UPRT: variants seen among roughly 807,000 people sequenced by gnomAD.
UPRT encodes the protein RP11-311P8.3.
UPRT carries 5 observed loss-of-function variants against 22.6 expected under a neutral mutation model. The observed-to-expected ratio is 0.22, with a 90% confidence interval of 0.12 to 0.47. The LOEUF is 0.47. Ranked by LOEUF, UPRT falls within the 20% of genes least tolerant of loss-of-function variation. UPRT has a pLI of 0.99. For missense variants in UPRT, 181 were observed against 239.9 expected, an observed-to-expected ratio of 0.75 and a Z score of 1.62; for synonymous variants, 77 against 87.7, an observed-to-expected ratio of 0.88 and a Z score of 0.68.
At chrX:75,227,781 C>G (rs1374475357) in intron 4 of UPRT, among the ~76,000 whole-genome samples, 3 of 112,310 alleles carry the variant, frequency 2.7e-5, no homozygotes, top group Non-Finnish European at 5.6e-5. Context: ...CTTTTGCAAG[C>G]AGGTACATGT....
chrX:75,279,660 C>T (rs745877449), intron 1 of UPRT, among the ~76,000 whole-genome samples: 2 of 110,390 alleles, frequency 1.8e-5, no homozygotes, highest in Admixed American at 1.9e-4. Context: ...TTATTTTTTT[C>T]CATAAGTTAT....
chrX:75,293,433 G>A (rs765709682), intron 1 of UPRT, 39 bp from the exon 2 acceptor site: 2 of 1,175,772 alleles, frequency 1.7e-6, no homozygotes, highest in Non-Finnish European at 2.3e-6. Context: ...TTGCCTTAAA[G>A]CTCTAATTTA....
At position 75,195,400 on chromosome X, in the gene UPRT, G is replaced by T. The variant is rs901231970; in HGVS notation, c.-447+27521G>T. 6.2e-5 allele frequency among the ~76,000 whole-genome samples: 7 copies of T among 112,195 alleles called. No individual in the cohort carries two copies. In the Admixed American group the frequency reaches 6.6e-4, roughly 11 times the overall value. Reference sequence around the variant, plus strand: ...GGGCAAGACTGCCCTGCACTGTTCAGGTCCAACAGTTCCCATAGGGCTAAA... The same window carrying T: ...GGGCAAGACTGCCCTGCACTGTTCATGTCCAACAGTTCCCATAGGGCTAAA... On this transcript the variant is annotated intron_variant, in intron 4 of 13. Coordinates refer to the UPRT transcript ENST00000652605.
rs147569635 is a variant in UPRT at position 75,193,735 on chromosome X, G to T, written c.-447+25856G>T. Among the ~76,000 whole-genome samples, 669 of 111,052 alleles carry T rather than the reference G, an allele frequency of 6.0e-3. 5 individuals are homozygous for T. The highest frequency in any genetic ancestry group is 0.021 in the African/African-American group (640 of 30,527). ...ACCCTCAGATTCTTTTCTCAGCTTG[G>T]TCAATTATTCTGTTAATAATTGAAA... On this transcript the variant is annotated intron_variant, in intron 4 of 13. Coordinates refer to the UPRT transcript ENST00000652605.
chrX:75,200,907 G>A (rs1023096290), intron 4 of UPRT, among the ~76,000 whole-genome samples: 1 of 111,591 alleles, frequency 9.0e-6, no homozygotes, highest in African/African-American at 3.3e-5. Context: ...TGATCATTCC[G>A]CTGCACTCCA....
At chrX:75,164,190 A>C in intron 3 of UPRT, among the ~76,000 whole-genome samples, 1 of 110,832 alleles carries the variant, frequency 9.0e-6, no homozygotes, top group Non-Finnish European at 1.9e-5. Flanking sequence ...ATAAATAAAT[A>C]AATAAATAAA....
intron 4 of UPRT, among the ~76,000 whole-genome samples, chrX:75,190,165 T>C (rs1476157651): frequency 1.8e-5 from 2 of 111,741 alleles, no homozygotes; most frequent in Admixed American, 9.5e-5. Context: ...TCTTGTAGGG[T>C]GGGCCTGGTG....
intron 4 of UPRT, among the ~76,000 whole-genome samples, chrX:75,217,045 G>A (rs986303005): frequency 4.5e-5 from 5 of 111,870 alleles, no homozygotes; most frequent in African/African-American, 1.6e-4. Context: ...GAGCCACTGC[G>A]CCTGGCCGAG....
intron 4 of UPRT, among the ~76,000 whole-genome samples, chrX:75,187,810 C>T (rs1202858693): frequency 3.6e-5 from 4 of 111,906 alleles, no homozygotes; most frequent in South Asian, 3.8e-4. Context: ...TCCAGTTGAC[C>T]GCATCAGCTC....
chrX:75,237,511 C>A (rs750162810), intron 4 of UPRT, among the ~76,000 whole-genome samples: 1 of 109,260 alleles, frequency 9.2e-6, no homozygotes, highest in Non-Finnish European at 1.9e-5. Context: ...ATGTTTATTG[C>A]GGCATTATTC....
At chrX:75,229,090 A>G (rs1327505636) in intron 4 of UPRT, among the ~76,000 whole-genome samples, 1 of 111,944 alleles carries the variant, frequency 8.9e-6, no homozygotes, top group Non-Finnish European at 1.9e-5. Context: ...AATGTACCAT[A>G]TGGTTGACTA....
chrX:75,209,174 A>G (rs1337625108), intron 4 of UPRT, among the ~76,000 whole-genome samples: 1 of 110,894 alleles, frequency 9.0e-6, no homozygotes, highest in Non-Finnish European at 1.9e-5. Flanking sequence ...GTTCCAGAAT[A>G]TTCTGGTAAA....
At chrX:75,281,763 G>A (rs2082658072) in intron 1 of UPRT, among the ~76,000 whole-genome samples, 1 of 111,601 alleles carries the variant, frequency 9.0e-6, no homozygotes, top group Non-Finnish European at 1.9e-5. Flanking sequence ...TGCTATCAGG[G>A]TGATGCTGGC....
chrX:75,270,013 A>G (rs1212937899), upstream of UPRT, among the ~76,000 whole-genome samples: 3 of 111,793 alleles, frequency 2.7e-5, no homozygotes, highest in African/African-American at 9.8e-5. Context: ...CCATCTGACA[A>G]AGGGCTAATA....
At chrX:75,171,620 G>A (rs186554842) in intron 4 of UPRT, among the ~76,000 whole-genome samples, 4 of 99,637 alleles carry the variant, frequency 4.0e-5, no homozygotes, top group East Asian at 3.2e-4. Context: ...TGGTGAGCTA[G>A]TGTGATTTTT....
chrX:75,206,168 G>A (rs1018291894), intron 4 of UPRT, among the ~76,000 whole-genome samples: 2 of 13,685 alleles, frequency 1.5e-4, no homozygotes, highest in Non-Finnish European at 0.018. Context: ...TTTAAACTGG[G>A]GGATAATATG....
intron 1 of UPRT, among the ~76,000 whole-genome samples, chrX:75,283,721 TAA>T (rs2082668422): frequency 9.0e-6 from 1 of 111,483 alleles, no homozygotes; most frequent in Non-Finnish European, 1.9e-5. Context: ...TCACAGCTCT[TAA>T]GATTCTTTCC....
chrX:75,242,699 A>C (rs1404900735), intron 4 of UPRT, among the ~76,000 whole-genome samples: 1 of 111,180 alleles, frequency 9.0e-6, no homozygotes, highest in Non-Finnish European at 1.9e-5. Context: ...TGGAAGGTTT[A>C]AGTGAGATAA....
intron 4 of UPRT, among the ~76,000 whole-genome samples, chrX:75,245,279 AAAAG>A (rs1173928260): frequency 2.8e-5 from 3 of 108,972 alleles, no homozygotes; most frequent in African/African-American, 1.0e-4. Flanking sequence ...AAAAAAAAAA[AAAAG>A]AAAAGGAAAA....
Sources: gnomAD v4.1 joint callset for allele counts (sites outside exome capture counted in the v4.1 genomes callset) on GRCh38, gnomAD v4.1.1 for gene constraint, MANE v1.5 for transcripts, NCBI Gene and HGNC (gene_info 2026-07-23, HGNC 2026-07-21) for gene names.